SERINC5: variants seen among roughly 807,000 people sequenced by gnomAD.
SERINC5 encodes chromosome 5 open reading frame 12.
SERINC5 carries 41 observed loss-of-function variants against 63.1 expected under a neutral mutation model. The observed-to-expected ratio is 0.65, with a 90% CI of 0.51 to 0.84. The LOEUF (loss-of-function observed/expected upper bound fraction) is 0.84. Among genes scored for constraint, SERINC5 ranks in the 40% least tolerant of loss-of-function variants. The pLI, the probability that SERINC5 is intolerant of heterozygous loss-of-function variation, is 0.00. For missense variants in SERINC5, 523 were observed against 573.0 expected (o/e 0.91, Z 0.89); for synonymous variants, 222 against 215.2 (o/e 1.03, Z -0.28).
chr5:80,254,553 C>G (rs764096622), intron 1 of SERINC5, among the ~76,000 whole-genome samples: 2 of 152,098 alleles, frequency 1.3e-5, no homozygotes, highest in Non-Finnish European at 2.9e-5. Context: ...ATCATTACTA[C>G]GTAATAAAAA....
Position 80,142,269 on chromosome 5 carries a change from A to G in SERINC5, c.*1394T>C, listed in dbSNP as rs1745554939. ...CACGTTTCTGTATTACTTTGCAAGT[A>G]CGTATTTTGGAAATTCCTGTGCAGC... On this transcript the variant is annotated 3_prime_UTR_variant, in exon 12 of 12. Coordinates refer to ENST00000507668, the MANE Select transcript of SERINC5 (RefSeq NM_001174072.3). 2.0e-5 allele frequency: 20 copies of G among 985,320 alleles called. No individual in the cohort carries two copies. The highest frequency in any genetic ancestry group is 2.2e-5 in the Non-Finnish European group (18 of 829,956). The allele number at this position is 985,320 out of a possible 1,614,324, so 61.0% of individuals were successfully genotyped here. A position where few individuals can be genotyped will look rare whatever the true frequency, so the allele number is the denominator to read the frequency against.
chr5:80,207,449 GA>G (rs1416363523), intron 1 of SERINC5, among the ~76,000 whole-genome samples: 3 of 152,154 alleles, frequency 2.0e-5, no homozygotes, highest in African/African-American at 7.2e-5. Context: ...TCCACAGAGG[GA>G]AAAATAAACA....
downstream of SERINC5, chr5:80,111,585 T>A (rs780271799): frequency 1.3e-5 from 2 of 152,184 alleles, no homozygotes; most frequent in Non-Finnish European, 2.9e-5. Context: ...TTAATTGCAT[T>A]CTTTGATGTG....
At chr5:80,235,716 C>A (rs973557410) in intron 1 of SERINC5, among the ~76,000 whole-genome samples, 4 of 152,208 alleles carry the variant, frequency 2.6e-5, no homozygotes, top group African/African-American at 9.7e-5. Flanking sequence ...CGTGCCTCAG[C>A]CTCCCAAGTA....
chr5:80,221,553 G>C (rs150690813), intron 1 of SERINC5, among the ~76,000 whole-genome samples: 166 of 152,264 alleles, frequency 1.1e-3, no homozygotes, highest in African/African-American at 3.8e-3. Flanking sequence ...CCAGGATTAT[G>C]GGATGTTAGA....
intron 11 of SERINC5, among the ~76,000 whole-genome samples, chr5:80,119,777 G>A (rs1167215099): frequency 6.6e-6 from 1 of 152,186 alleles, no homozygotes; most frequent in African/African-American, 2.4e-5. Context: ...TTGTTTAAAT[G>A]CACATTTTTG....
chr5:80,131,863 A>G (rs910175546), intron 11 of SERINC5, among the ~76,000 whole-genome samples: 3 of 152,190 alleles, frequency 2.0e-5, no homozygotes, highest in African/African-American at 7.2e-5. Context: ...CCTGACGAAC[A>G]GAATCTAGTT....
At chr5:80,117,642 G>GA (rs11431034) in intron 11 of SERINC5, among the ~76,000 whole-genome samples, 64,888 of 124,382 alleles carry the variant, frequency 0.52, 17,453 homozygotes, top group African/African-American at 0.64. Flanking sequence ...TGTGGCTACT[G>GA]AAAAAAAAAA....
At chr5:80,252,414 C>T (rs1752469177) in intron 1 of SERINC5, among the ~76,000 whole-genome samples, 1 of 152,118 alleles carries the variant, frequency 6.6e-6, no homozygotes, top group Non-Finnish European at 1.5e-5. Flanking sequence ...TCCACATAGC[C>T]CTTAAGTTAA....
chr5:80,219,370 T>C (rs1364810804), intron 1 of SERINC5, among the ~76,000 whole-genome samples: 3 of 152,224 alleles, frequency 2.0e-5, no homozygotes, highest in Admixed American at 6.5e-5. Context: ...TTAGCCTTCA[T>C]CATCCCTCAA....
chr5:80,128,022 A>C (rs1365692647), intron 11 of SERINC5, among the ~76,000 whole-genome samples: 2 of 152,238 alleles, frequency 1.3e-5, no homozygotes, highest in Non-Finnish European at 2.9e-5. Context: ...AGTTATCAAC[A>C]TCTTATAAAT....
intron 1 of SERINC5, among the ~76,000 whole-genome samples, chr5:80,248,617 A>T (rs553412746): frequency 6.6e-6 from 1 of 152,326 alleles, no homozygotes; most frequent in East Asian, 1.9e-4. Context: ...ATCAACCAAA[A>T]CACCACCTTG....
intron 2 of SERINC5, among the ~76,000 whole-genome samples, chr5:80,193,240 T>A (rs182442477): frequency 2.6e-5 from 4 of 152,246 alleles, no homozygotes; most frequent in African/African-American, 9.6e-5. Flanking sequence ...ATTCACAATA[T>A]CTATGCATTG....
Position 80,150,706 on chromosome 5 carries a change from G to A in SERINC5, c.1053+176C>T, listed in dbSNP as rs7708359. Among the ~76,000 whole-genome samples the A allele has an allele frequency of 6.2e-3, 939 of 152,320 alleles. 6 individuals are homozygous for A. Among genetic ancestry groups the A allele is most frequent in the African/African-American group, 0.022 (894 of 41,574 alleles). On this transcript the variant is annotated intron_variant, in intron 9 of 11. Transcript: ENST00000507668. ...CCGCCTCGGACTCCCAAAGTGCTGGGATTACAGGCGTGAGCCACCACACCC... is the reference window on the plus strand; with the variant it reads ...CCGCCTCGGACTCCCAAAGTGCTGGAATTACAGGCGTGAGCCACCACACCC...
intron 1 of SERINC5, among the ~76,000 whole-genome samples, chr5:80,217,011 TA>T: frequency 6.6e-6 from 1 of 151,994 alleles, no homozygotes; most frequent in Non-Finnish European, 1.5e-5. Flanking sequence ...ACTCTGTCTC[TA>T]AAAAAACAAA....
chr5:80,228,459 AT>A (rs34400088), intron 1 of SERINC5, among the ~76,000 whole-genome samples: 2 of 150,650 alleles, frequency 1.3e-5, no homozygotes, highest in Admixed American at 6.6e-5. Context: ...ACTATTAAGA[AT>A]TTTTTTTTTG....
At chr5:80,255,358 C>G (rs1304969002) in intron 1 of SERINC5, among the ~76,000 whole-genome samples, 1 of 152,098 alleles carries the variant, frequency 6.6e-6, no homozygotes, top group Non-Finnish European at 1.5e-5. Flanking sequence ...TCGCCCAGAC[C>G]TGCGCCCGGT....
intron 2 of SERINC5, 116 bp downstream of exon 2, chr5:80,202,770 C>G: frequency 1.0e-6 from 1 of 993,982 alleles, no homozygotes; most frequent in Non-Finnish European, 1.5e-6. Flanking sequence ...TTCAAGGAAA[C>G]CAGGTATACC....
chr5:80,171,179 T>C (rs1250290936), intron 5 of SERINC5, among the ~76,000 whole-genome samples: 1 of 152,020 alleles, frequency 6.6e-6, no homozygotes, highest in Non-Finnish European at 1.5e-5. Context: ...CGGGCTAATT[T>C]TGTATTTTTA....
Sources: allele counts gnomAD v4.1 joint callset (sites outside exome capture counted in the v4.1 genomes callset), GRCh38; gene constraint gnomAD v4.1.1; transcripts MANE v1.5; gene names NCBI Gene and HGNC (gene_info 2026-07-23, HGNC 2026-07-21).